ZC3H3: variants seen among roughly 807,000 people sequenced by gnomAD.
The protein encoded by ZC3H3 is zinc finger CCCH domain-containing protein 3.
Under a neutral mutation model 77.3 loss-of-function variants are expected in ZC3H3, and 36 were observed. The ratio of observed to expected loss-of-function variants is 0.47; its 90% CI spans 0.36 to 0.61. ZC3H3 has a LOEUF of 0.61. Among genes scored for constraint, ZC3H3 ranks in the 20% least tolerant of loss-of-function variants. The probability of loss-of-function intolerance (pLI) is 0.00; values close to 1 mark genes in which losing one functional copy is unlikely to be tolerated. For synonymous variants in ZC3H3, 626 were observed against 555.2 expected (o/e 1.13, Z -1.79); for missense variants, 1,331 against 1,312.2 (o/e 1.01, Z -0.22).
intron 4 of ZC3H3, among the ~76,000 whole-genome samples, chr8:143,483,154 C>A (rs781727146): frequency 7.6e-4 from 115 of 152,306 alleles, no homozygotes; most frequent in African/African-American, 2.8e-3. Context: ...CGGGGGGAGG[C>A]GGCGCCGCAG....
At chr8:143,461,139 T>C (rs927375136) in intron 9 of ZC3H3, among the ~76,000 whole-genome samples, 4 of 152,224 alleles carry the variant, frequency 2.6e-5, no homozygotes, top group Non-Finnish European at 4.4e-5. Flanking sequence ...TAACACAGTA[T>C]ATACCAAAAA....
intron 8 of ZC3H3, 88 bp from the exon 9 acceptor site, chr8:143,465,936 C>G: frequency 6.7e-7 from 1 of 1,492,928 alleles, no homozygotes; most frequent in Non-Finnish European, 8.9e-7. Context: ...ACGGCCCCGC[C>G]CGAGAGAGAA....
chr8:143,500,016 G>C (rs565852149), intron 4 of ZC3H3, among the ~76,000 whole-genome samples: 1 of 151,684 alleles, frequency 6.6e-6, no homozygotes. Flanking sequence ...TCCCACCTTC[G>C]ACACCACCCC....
chr8:143,438,122 AC>A, intron 11 of ZC3H3, 35 bp from the exon 12 acceptor site: 1 of 1,595,008 alleles, frequency 6.3e-7, no homozygotes, highest in Non-Finnish European at 8.5e-7. Flanking sequence ...GTGCCCGGAA[AC>A]CCCTGGAAGA....
At chr8:143,463,702 G>A (rs997906620) in intron 9 of ZC3H3, among the ~76,000 whole-genome samples, 4 of 152,190 alleles carry the variant, frequency 2.6e-5, no homozygotes, top group South Asian at 2.1e-4. Context: ...GGAAAACAGC[G>A]CTGCACCAGG....
Position 143,527,512 on chromosome 8 carries a change from T to G in ZC3H3, c.1561+8745A>C, listed in dbSNP as rs545097748. Among the ~76,000 whole-genome samples, 42 of 152,246 alleles carry G rather than the reference T, an allele frequency of 2.8e-4. No individual in the cohort carries two copies. In the South Asian group the frequency reaches 3.7e-3, roughly 14 times the overall value. ...ATCCCACGCCAGTTCTGTGAAGTAA[T>G]TAATTAGCACAGCCACAACCCACGC... is the stretch of plus-strand genomic sequence containing the variant. On this transcript the variant is annotated intron_variant, in intron 3 of 11. Transcript: ENST00000262577.
intron 5 of ZC3H3, among the ~76,000 whole-genome samples, chr8:143,472,779 C>T (rs575463592): frequency 3.9e-5 from 6 of 152,352 alleles, no homozygotes; most frequent in South Asian, 2.1e-4. Context: ...CAAGCCCCTC[C>T]GTGGGTCCCG....
At chr8:143,465,911 G>T (rs1017213679) in intron 8 of ZC3H3, 63 bp from the exon 9 acceptor site, 32 of 1,558,804 alleles carry the variant, frequency 2.1e-5, no homozygotes, top group Middle Eastern at 4.5e-4. Context: ...AGAGACGGTG[G>T]CTGGGGACCC....
intron 3 of ZC3H3, among the ~76,000 whole-genome samples, chr8:143,524,569 C>A (rs1002069788): frequency 6.6e-6 from 1 of 152,254 alleles, no homozygotes; most frequent in African/African-American, 2.4e-5. Context: ...GCAGGCAAGT[C>A]GCACAGAGGT....
intron 3 of ZC3H3, among the ~76,000 whole-genome samples, chr8:143,532,548 C>A (rs951607574): frequency 6.6e-6 from 1 of 152,268 alleles, no homozygotes. Context: ...CCACAGCCCA[C>A]ACGACCCCAG....
intron 4 of ZC3H3, among the ~76,000 whole-genome samples, chr8:143,491,420 C>T (rs1256349809): frequency 6.6e-6 from 1 of 152,256 alleles, no homozygotes; most frequent in Non-Finnish European, 1.5e-5. Flanking sequence ...GTCCCAAGGG[C>T]TTGCCCATAA....
Position 143,538,909 on chromosome 8 carries a change from G to A in ZC3H3, c.458C>T (p.Pro153Leu), listed in dbSNP as rs751296357. ...RGSLEEFEET[P>L]WSDQRPREGE... ...TTCCCGGGGCCTTTGGTCACTCCAG[G>A]GGGTTTCCTCAAATTCTTCCAAAGA... Residue 153 changes from proline (P) to leucine (L), a missense_variant, in exon 2 of 12, where the codon CCC becomes CTC. Transcript: ENST00000262577. 7 of 1,612,858 alleles carry A rather than the reference G, an allele frequency of 4.3e-6. No individual in the cohort carries two copies. Among genetic ancestry groups the A allele is most frequent in the Non-Finnish European group, 5.9e-6 (7 of 1,180,026 alleles).
chr8:143,534,117 C>T (rs1034387383), intron 3 of ZC3H3, among the ~76,000 whole-genome samples: 8 of 151,910 alleles, frequency 5.3e-5, no homozygotes, highest in Non-Finnish European at 1.0e-4. Flanking sequence ...GACCCTGTCC[C>T]TACAAAAAAA....
rs756066572 is a variant in ZC3H3 at position 143,538,664 on chromosome 8, G to A, written c.703C>T (p.Leu235=). ...AGGGCCACGCCAGTGCGTGGGGGCA[G>A]AGCGGAGGATGGGAAGCTCGCCTTG... ...AVKASFPSSA[L]PPRTGVALGR... is the part of the protein sequence containing the mutation. Residue 235 remains leucine (L), a synonymous_variant, in exon 2 of 12, where the codon CTG becomes TTG. Transcript: ENST00000262577. The A allele has an allele frequency of 1.2e-6, 2 of 1,608,394 alleles. No homozygotes were observed.
intron 3 of ZC3H3, among the ~76,000 whole-genome samples, chr8:143,516,141 C>T (rs1029067924): frequency 1.3e-5 from 2 of 152,240 alleles, no homozygotes; most frequent in African/African-American, 4.8e-5. Flanking sequence ...GTGAGTGCCC[C>T]GCCCCTACGC....
At chr8:143,508,448 G>A (rs1235018832) in intron 3 of ZC3H3, among the ~76,000 whole-genome samples, 1 of 152,218 alleles carries the variant, frequency 6.6e-6, no homozygotes, top group African/African-American at 2.4e-5. Context: ...CTTAGTCACT[G>A]TTTTCATAAC....
At position 143,541,391 on chromosome 8, in the gene ZC3H3, T is replaced by A. The variant is rs1823012087; in HGVS notation, c.31A>T (p.Ile11Phe). 2 of 1,611,742 alleles carry A rather than the reference T, an allele frequency of 1.2e-6. No homozygotes were observed. The highest frequency in any genetic ancestry group is 1.7e-6 in the Non-Finnish European group (2 of 1,179,470). The part of the protein sequence containing the change: MEEKEILRRQ[I>F]RLLQGLIDDY... ...CCGGACCTACCCTGCAGTAGGCGGA[T>A]CTGCCGCCGTAATATCTCCTTTTCC... Residue 11 changes from isoleucine to phenylalanine, a missense_variant, in exon 1 of 12, where the codon ATC becomes TTC. By Grantham distance (21) the Ile-to-Phe change is conservative. Coordinates refer to ENST00000262577, the MANE Select transcript of ZC3H3 (RefSeq NM_015117.3).
chr8:143,450,680 G>A (rs1417471673), intron 9 of ZC3H3, among the ~76,000 whole-genome samples: 3 of 152,110 alleles, frequency 2.0e-5, no homozygotes, highest in Admixed American at 2.0e-4. Flanking sequence ...AGAGGGAGGA[G>A]GTGCTACACA....
chr8:143,478,785 C>G (rs1820821410), intron 4 of ZC3H3, among the ~76,000 whole-genome samples: 1 of 152,258 alleles, frequency 6.6e-6, no homozygotes, highest in South Asian at 2.1e-4. Context: ...GCCGGGATTA[C>G]AGGCATGAGC....
Sources: allele counts gnomAD v4.1 joint callset (sites outside exome capture counted in the v4.1 genomes callset), GRCh38; gene constraint gnomAD v4.1.1; transcripts MANE v1.5; gene names NCBI Gene and HGNC (gene_info 2026-07-23, HGNC 2026-07-21).